The following PELI2 variants were observed in gnomAD, a reference collection of about 807,000 sequenced individuals.
The protein encoded by PELI2 is E3 ubiquitin-protein ligase pellino homolog 2.
PELI2 carries 23 observed loss-of-function variants against 42.3 expected under a neutral mutation model. The observed-to-expected ratio is 0.54, with a 90% CI of 0.39 to 0.77. PELI2 has a LOEUF of 0.77. Ranked by LOEUF, PELI2 falls within the 30% of genes least tolerant of loss-of-function variation. The pLI, the probability that PELI2 is intolerant of heterozygous loss-of-function variation, is 0.00. For synonymous variants in PELI2, 245 were observed against 212.2 expected (o/e 1.15, Z -1.34); for missense variants, 463 against 553.2 (o/e 0.84, Z 1.64).
intron 2 of PELI2, among the ~76,000 whole-genome samples, chr14:56,259,249 A>G (rs957367910): frequency 2.6e-5 from 4 of 152,174 alleles, no homozygotes; most frequent in African/African-American, 4.8e-5. Flanking sequence ...GGAGAAAACA[A>G]CAGATGGAAA....
intron 2 of PELI2, among the ~76,000 whole-genome samples, chr14:56,269,493 A>G (rs1889023823): frequency 6.6e-6 from 1 of 152,180 alleles, no homozygotes; most frequent in Non-Finnish European, 1.5e-5. Flanking sequence ...AATACGTTCT[A>G]AAACACAATG....
At chr14:56,172,826 G>C (rs761807249) in intron 1 of PELI2, among the ~76,000 whole-genome samples, 1 of 152,146 alleles carries the variant, frequency 6.6e-6, no homozygotes, top group Non-Finnish European at 1.5e-5. Flanking sequence ...TTTCCAAATC[G>C]TGGTTGTGCA....
intron 3 of PELI2, among the ~76,000 whole-genome samples, chr14:56,286,176 G>A (rs1889639203): frequency 6.6e-6 from 1 of 152,212 alleles, no homozygotes; most frequent in Admixed American, 6.5e-5. Context: ...TATAAAAGGA[G>A]AAATTGGTGA....
intron 2 of PELI2, among the ~76,000 whole-genome samples, chr14:56,242,845 T>C (rs1028108711): frequency 5.3e-5 from 8 of 152,020 alleles, no homozygotes; most frequent in Non-Finnish European, 1.2e-4. Context: ...ACTTTGGGGA[T>C]TCAGGGGGGA....
At chr14:56,172,668 A>G (rs144932454) in intron 1 of PELI2, among the ~76,000 whole-genome samples, 127 of 152,256 alleles carry the variant, frequency 8.3e-4, no homozygotes, top group African/African-American at 2.9e-3. Context: ...GAAGCAGAAT[A>G]ATGGGTGTGG....
In PELI2 at chr14:56,178,441, A is replaced by G. The variant is rs766009455; in HGVS notation, c.184A>G (p.Ile62Val). The change falls in exon 2 of 6, where the codon ATA becomes GTA. Residue 62 changes from isoleucine to valine, a missense_variant. Coordinates refer to ENST00000267460, the MANE Select transcript of PELI2 (RefSeq NM_021255.3). ...NGVKPSTVHV[I>V]STPQASKAIS... ...TGTCAAACCCAGCACCGTCCATGTG[A>G]TATCCACGCCCCAGGCATCCAAGGT... The G allele has an allele frequency of 7.4e-6, 12 of 1,614,030 alleles. No homozygotes were observed. The highest frequency in any genetic ancestry group is 1.0e-5 in the Non-Finnish European group (12 of 1,180,020).
At chr14:56,284,818 T>A (rs142295272) in intron 3 of PELI2, among the ~76,000 whole-genome samples, 5 of 152,302 alleles carry the variant, frequency 3.3e-5, no homozygotes, top group African/African-American at 4.8e-5. Flanking sequence ...GAGAGATAAC[T>A]AAGGCTCTCC....
chr14:56,223,961 C>T (rs763676689), intron 2 of PELI2, among the ~76,000 whole-genome samples: 4 of 152,014 alleles, frequency 2.6e-5, no homozygotes, highest in African/African-American at 7.2e-5. Flanking sequence ...TGGTGGAGAT[C>T]GATGTACTTT....
At chr14:56,296,166 G>T (rs1889993081) in intron 5 of PELI2, among the ~76,000 whole-genome samples, 1 of 152,154 alleles carries the variant, frequency 6.6e-6, no homozygotes, top group Non-Finnish European at 1.5e-5. Flanking sequence ...ATGACTGCAG[G>T]CCCCCCGCAA....
chr14:56,209,388 A>G (rs940343422), intron 2 of PELI2, among the ~76,000 whole-genome samples: 1 of 152,228 alleles, frequency 6.6e-6, no homozygotes, highest in East Asian at 1.9e-4. Flanking sequence ...TTCTTCATAT[A>G]CTTTCAACCC....
intron 2 of PELI2, among the ~76,000 whole-genome samples, chr14:56,209,438 T>C (rs771986138): frequency 8.5e-5 from 13 of 152,342 alleles, no homozygotes; most frequent in African/African-American, 2.6e-4. Flanking sequence ...GAAGCAGATA[T>C]GAGAATTGAG....
intron 2 of PELI2, among the ~76,000 whole-genome samples, chr14:56,278,794 G>A (rs1889383201): frequency 6.6e-6 from 1 of 152,050 alleles, no homozygotes. Context: ...CAATAAATGT[G>A]TAATAGAAAA....
At chr14:56,250,589 G>A (rs1273329847) in intron 2 of PELI2, among the ~76,000 whole-genome samples, 4 of 152,106 alleles carry the variant, frequency 2.6e-5, no homozygotes, top group African/African-American at 7.2e-5. Flanking sequence ...TGAAGAACTC[G>A]GAGTCTGATG....
intron 1 of PELI2, among the ~76,000 whole-genome samples, chr14:56,132,663 A>G (rs1883534361): frequency 5.3e-5 from 8 of 152,146 alleles, no homozygotes. Flanking sequence ...AATAGAGCTC[A>G]TCTCCCTCAG....
chr14:56,201,828 A>T (rs942243493), intron 2 of PELI2, among the ~76,000 whole-genome samples: 2 of 152,240 alleles, frequency 1.3e-5, no homozygotes, highest in Non-Finnish European at 2.9e-5. Context: ...CTGAATTCTG[A>T]TGGCTCAAAT....
intron 1 of PELI2, among the ~76,000 whole-genome samples, chr14:56,142,514 C>G (rs1384406393): frequency 2.0e-5 from 3 of 152,200 alleles, no homozygotes; most frequent in Non-Finnish European, 4.4e-5. Context: ...TAGAAATGTA[C>G]TAAACAAGGA....
At chr14:56,246,063 C>T (rs1019044731) in intron 2 of PELI2, among the ~76,000 whole-genome samples, 3 of 152,118 alleles carry the variant, frequency 2.0e-5, no homozygotes, top group Non-Finnish European at 4.4e-5. Context: ...TGCCATAGAT[C>T]ATATAAATCT....
intron 2 of PELI2, among the ~76,000 whole-genome samples, chr14:56,242,254 T>C (rs1888000418): frequency 6.6e-6 from 1 of 152,214 alleles, no homozygotes; most frequent in Non-Finnish European, 1.5e-5. Flanking sequence ...AACAGAGTTA[T>C]TGAGAAAGGA....
At chr14:56,228,476 TG>T (rs1370763401) in intron 2 of PELI2, among the ~76,000 whole-genome samples, 1 of 152,262 alleles carries the variant, frequency 6.6e-6, no homozygotes, top group Non-Finnish European at 1.5e-5. Context: ...ATTTTTATTT[TG>T]TTCACAGTTA....
Sources: allele counts gnomAD v4.1 joint callset (sites outside exome capture counted in the v4.1 genomes callset), GRCh38; gene constraint gnomAD v4.1.1; transcripts MANE v1.5; gene names NCBI Gene and HGNC (gene_info 2026-07-23, HGNC 2026-07-21).